PCDHA3: variants seen among roughly 807,000 people sequenced by gnomAD.
PCDHA3 encodes the protein protocadherin alpha-3.
In PCDHA3, 41 loss-of-function variants were observed where a neutral mutation model predicts 62.2. The observed-to-expected ratio is 0.66, with a 90% confidence interval of 0.51 to 0.86. PCDHA3 has a LOEUF of 0.86. PCDHA3 is among the 40% of genes least tolerant of loss of function. PCDHA3 has a pLI of 0.00. For synonymous variants in PCDHA3, 640 were observed against 555.4 expected (o/e 1.15, Z -2.14); for missense variants, 1,304 against 1,241.2 (o/e 1.05, Z -0.76).
At chr5:140,938,205 C>T (rs1435832298) in intron 1 of PCDHA3, among the ~76,000 whole-genome samples, 3 of 152,160 alleles carry the variant, frequency 2.0e-5, no homozygotes, top group Non-Finnish European at 4.4e-5. Context: ...GCCAGCCTCC[C>T]AAAGTGCTGG....
At chr5:140,847,086 A>G (rs1439792842) in intron 1 of PCDHA3, among the ~76,000 whole-genome samples, 1 of 149,852 alleles carries the variant, frequency 6.7e-6, no homozygotes, top group East Asian at 1.9e-4. Flanking sequence ...AGAAAAGTCC[A>G]CTTTGGTTAA....
chr5:140,872,861 C>T (rs1554166414), intron 1 of PCDHA3, among the ~76,000 whole-genome samples: 1 of 152,182 alleles, frequency 6.6e-6, no homozygotes, highest in African/African-American at 2.4e-5. Context: ...TGAGTACCTA[C>T]TGACAATTAT....
intron 1 of PCDHA3, among the ~76,000 whole-genome samples, chr5:140,965,094 A>G (rs1289535686): frequency 6.6e-6 from 1 of 152,236 alleles, no homozygotes; most frequent in Non-Finnish European, 1.5e-5. Context: ...TCCAGTCCAT[A>G]GCTAGAAAAT....
At position 140,870,837 on chromosome 5, in the gene PCDHA3, G is replaced by T. The variant is rs782610375; in HGVS notation, c.2394+67246G>T. ...GCAGCGCGGGAGGCGCAGTTAACAA[G>T]CTAGTACCGCGGTCGGTGGGTGCGG... On this transcript the variant is annotated intron_variant, in intron 1 of 3. Transcript: ENST00000522353. 5 of 1,613,820 alleles carry T rather than the reference G, an allele frequency of 3.1e-6. No individual in the cohort carries two copies. The South Asian group carries it at 4.4e-5, about 14-fold the overall frequency.
chr5:140,987,040 C>G (rs916995346), intron 3 of PCDHA3, among the ~76,000 whole-genome samples: 1 of 151,880 alleles, frequency 6.6e-6, no homozygotes, highest in Non-Finnish European at 1.5e-5. Flanking sequence ...ATGGCGAAAC[C>G]CCATCTCTAC....
At chr5:140,917,127 C>T (rs1286418907) in intron 1 of PCDHA3, among the ~76,000 whole-genome samples, 1 of 152,072 alleles carries the variant, frequency 6.6e-6, no homozygotes, top group African/African-American at 2.4e-5. Context: ...CGCAGACTCC[C>T]CACGTTGCTC....
At chr5:140,921,704 A>T (rs1465184855) in intron 1 of PCDHA3, among the ~76,000 whole-genome samples, 8 of 152,234 alleles carry the variant, frequency 5.3e-5, no homozygotes, top group African/African-American at 1.9e-4. Flanking sequence ...AATTTTAAAC[A>T]GTAAACACAC....
Position 140,858,059 on chromosome 5 carries a change from G to C in PCDHA3, c.2394+54468G>C, listed in dbSNP as rs200045353. 1,846 of 1,597,616 alleles carry C rather than the reference G, an allele frequency of 1.2e-3. 155 individuals carry two copies. The highest frequency in any genetic ancestry group is 1.5e-3 in the Middle Eastern group (9 of 5,984). On this transcript the variant is annotated intron_variant, in intron 1 of 3. Coordinates refer to ENST00000522353, the MANE Select transcript of PCDHA3 (RefSeq NM_018906.3). ...CACTGTGCTTGTGTCGCTTGTGGAG[G>C]GCAGCCAGGCACCCAAGGCCTCGTC...
intron 1 of PCDHA3, among the ~76,000 whole-genome samples, chr5:140,838,881 C>G (rs2150293311): frequency 2.0e-5 from 3 of 151,836 alleles, no homozygotes; most frequent in Non-Finnish European, 4.4e-5. Flanking sequence ...TGCCACTGAA[C>G]TCCAGCCTAG....
chr5:140,822,502 A>C, intron 1 of PCDHA3: 1 of 1,613,896 alleles, frequency 6.2e-7, no homozygotes. Context: ...AGAATTTGAT[A>C]AATCCATTTA....
intron 1 of PCDHA3, chr5:140,870,730 C>T: frequency 1.4e-5 from 23 of 1,613,398 alleles, no homozygotes; most frequent in Non-Finnish European, 1.9e-5. Context: ...GGGCGTGCCG[C>T]CTCTGAGCAG....
intron 1 of PCDHA3, among the ~76,000 whole-genome samples, chr5:140,925,390 G>A (rs968466600): frequency 6.6e-6 from 1 of 152,032 alleles, no homozygotes; most frequent in Non-Finnish European, 1.5e-5. Flanking sequence ...GTCTCCTTTT[G>A]GCTCGCCTCC....
intron 1 of PCDHA3, chr5:140,969,487 T>C: frequency 6.8e-7 from 1 of 1,460,090 alleles, no homozygotes; most frequent in Non-Finnish European, 9.1e-7. Flanking sequence ...TAATCTGCTA[T>C]TTCCTCTCTA....
chr5:140,875,234 T>C, intron 1 of PCDHA3: 1 of 867,742 alleles, frequency 1.2e-6, no homozygotes. Context: ...ATCTTTCTTG[T>C]ACTTACATAA....
In PCDHA3 at chr5:140,967,001, A is replaced by T. The variant is rs1048933252; in HGVS notation, c.2395-11948A>T. The T allele has an allele frequency of 3.1e-6, 5 of 1,605,060 alleles. No homozygotes were observed. The South Asian group carries it at 5.5e-5, about 18-fold the overall frequency. The stretch of plus-strand genomic sequence containing the variant: ...GCGCTTGGGGCCGGGTTGCTTGCGC[A>T]TCAACCATCTGGGTGCGCCCAGTCC... On this transcript the variant is annotated intron_variant, in intron 1 of 3. Transcript: ENST00000522353.
At chr5:140,822,062 G>A (rs997674203) in intron 1 of PCDHA3, 5 of 1,614,204 alleles carry the variant, frequency 3.1e-6, no homozygotes, top group East Asian at 2.2e-5. Flanking sequence ...GAGCTGTGCC[G>A]GCGGAGGGCG....
At chr5:140,854,785 T>G (rs998570267) in intron 1 of PCDHA3, 1 of 149,740 alleles carries the variant, frequency 6.7e-6, no homozygotes, top group South Asian at 2.1e-4. Flanking sequence ...TTTCAAGAAC[T>G]TTGAGAGAGA....
intron 1 of PCDHA3, chr5:140,835,642 C>T (rs2150240514): frequency 1.2e-6 from 2 of 1,613,940 alleles, no homozygotes; most frequent in East Asian, 2.2e-5. Flanking sequence ...AGTGTGTCCG[C>T]CTATGAGCTG....
At chr5:140,942,668 A>G (rs1047486718) in intron 1 of PCDHA3, among the ~76,000 whole-genome samples, 7 of 152,336 alleles carry the variant, frequency 4.6e-5, no homozygotes, top group Admixed American at 2.0e-4. Flanking sequence ...CAATAAGCAC[A>G]AAAGTTTTAG....
Sources: gnomAD v4.1 joint callset for allele counts (sites outside exome capture counted in the v4.1 genomes callset) on GRCh38, gnomAD v4.1.1 for gene constraint, MANE v1.5 for transcripts, NCBI Gene and HGNC (gene_info 2026-07-23, HGNC 2026-07-21) for gene names.